RIMS1: variants seen among roughly 807,000 people sequenced by gnomAD.
The protein encoded by RIMS1 is regulating synaptic membrane exocytosis protein 1.
A neutral mutation model predicts 214.1 loss-of-function variants in RIMS1; 83 were observed. The ratio of observed to expected loss-of-function variants is 0.39; its 90% CI spans 0.32 to 0.47. The LOEUF is 0.47. Among genes scored for constraint, RIMS1 ranks in the 20% least tolerant of loss-of-function variants. The pLI, the probability that RIMS1 is intolerant of heterozygous loss-of-function variation, is 0.99. For synonymous variants in RIMS1, 793 were observed against 786.8 expected (o/e 1.01, Z -0.13); for missense variants, 2,050 against 2,161.8 (o/e 0.95, Z 1.03).
intron 2 of RIMS1, among the ~76,000 whole-genome samples, chr6:71,994,814 T>C (rs1187212260): frequency 6.6e-6 from 1 of 152,200 alleles, no homozygotes; most frequent in Non-Finnish European, 1.5e-5. Context: ...GTTTGTTGCC[T>C]TGCATGCTTC....
In RIMS1 at chr6:72,182,921, A is replaced by T. The variant is rs772371424; in HGVS notation, c.1450A>T (p.Met484Leu). The change falls in exon 6 of 34, where the codon ATG becomes TTG. Residue 484 changes from methionine to leucine, a missense_variant. Physicochemically the swap from Met to Leu is conservative, Grantham distance 15. Transcript: ENST00000521978. ...SRLDPSSAVL[M>L]RKAKREKVET... ...CCTGGACCCCAGCTCGGCGGTCCTC[A>T]TGCGGAAGGCCAAGCGCGAGAAGGT... 6.9e-6 allele frequency: 11 copies of T among 1,582,918 alleles called. No homozygotes were observed. The highest frequency in any genetic ancestry group is 9.4e-6 in the Non-Finnish European group (11 of 1,165,922).
intron 1 of RIMS1, among the ~76,000 whole-genome samples, chr6:71,954,864 ACACACTC>A (rs1424944309): frequency 7.3e-6 from 1 of 137,172 alleles, no homozygotes; most frequent in Non-Finnish European, 1.5e-5. Flanking sequence ...ACACACACAC[ACACACTC>A]CACACACACA....
intron 3 of RIMS1, among the ~76,000 whole-genome samples, chr6:72,098,071 A>G (rs1205860916): frequency 1.3e-5 from 2 of 152,188 alleles, no homozygotes; most frequent in African/African-American, 4.8e-5. Flanking sequence ...AATTTGTCAT[A>G]TTATCTAATC....
At chr6:72,224,728 T>C (rs1160265245) in intron 6 of RIMS1, among the ~76,000 whole-genome samples, 1 of 152,228 alleles carries the variant, frequency 6.6e-6, no homozygotes, top group East Asian at 1.9e-4. Flanking sequence ...TTTGTTGATA[T>C]TGCTTCTTTA....
chr6:72,346,064 T>C (rs2097256428), intron 29 of RIMS1, among the ~76,000 whole-genome samples: 1 of 151,790 alleles, frequency 6.6e-6, no homozygotes, highest in Non-Finnish European at 1.5e-5. Flanking sequence ...TTAAAGGTCC[T>C]TTTTGACCCT....
In RIMS1 at chr6:71,893,721, A is replaced by G. The variant is rs539116403; in HGVS notation, c.164+6534A>G. Among the ~76,000 whole-genome samples the G allele has an allele frequency of 2.0e-5, 3 of 152,216 alleles. No homozygotes were observed. The South Asian group carries it at 6.2e-4, about 32-fold the overall frequency. On this transcript the variant is annotated intron_variant, in intron 1 of 33. Transcript: ENST00000521978. ...ATCGAGTTTATATACACTTATTTTG[A>G]CTAGATTACTTTTCTGTGGACAGCA...
At position 72,390,658 on chromosome 6, in the gene RIMS1, C is replaced by T; in HGVS notation, c.4427C>T (p.Ala1476Val). ...AGAAGCACAGAAACAGGCATGGCAG[C>T]TGAAATGAGAAAGATGGTAAGGCAG... ...IQRSTETGMA[A>V]EMRKMVRQPS... Residue 1476 changes from alanine (A) to valine (V), a missense_variant, in exon 30 of 34, where the codon GCT (alanine) becomes GTT (valine). This residue lies in a region of RIMS1 where 121 missense variants were observed against 187.3 expected (regional missense o/e 0.65). Transcript: ENST00000521978. 1 of 1,613,836 alleles carries T rather than the reference C, an allele frequency of 6.2e-7. No individual in the cohort carries two copies. Among genetic ancestry groups the T allele is most frequent in the South Asian group, 1.1e-5 (1 of 91,060 alleles).
At position 72,400,736 on chromosome 6, in the gene RIMS1, C is replaced by T; in HGVS notation, c.*22C>T. On this transcript the variant is annotated 3_prime_UTR_variant, in exon 34 of 34. Coordinates refer to ENST00000521978, the MANE Select transcript of RIMS1 (RefSeq NM_014989.7). ...ATAGTGAACTCATACCAGAGTCATT[C>T]CAATAAAACTCTACTTTTCAGGATA... is the stretch of plus-strand genomic sequence containing the variant. 1 of 1,518,606 alleles carries T rather than the reference C, an allele frequency of 6.6e-7. No individual in the cohort carries two copies. Among genetic ancestry groups the T allele is most frequent in the South Asian group, 1.1e-5 (1 of 87,126 alleles). The allele number at this position is 1,518,606 out of a possible 1,614,324, so 94.1% of individuals were successfully genotyped here. A position where few individuals can be genotyped will look rare whatever the true frequency, so the allele number is the denominator to read the frequency against.
intron 2 of RIMS1, among the ~76,000 whole-genome samples, chr6:71,972,449 G>C (rs114181073): frequency 2.0e-5 from 3 of 152,152 alleles, no homozygotes; most frequent in South Asian, 4.1e-4. Context: ...CAGGGTGATA[G>C]TACTCATATC....
intron 4 of RIMS1, among the ~76,000 whole-genome samples, chr6:72,135,282 T>A (rs963122080): frequency 2.6e-5 from 4 of 151,194 alleles, no homozygotes; most frequent in African/African-American, 9.7e-5. Flanking sequence ...AGCTGGAGAG[T>A]TTATTATGTT....
chr6:72,318,292 C>A (rs568064928), intron 28 of RIMS1, among the ~76,000 whole-genome samples: 5 of 151,934 alleles, frequency 3.3e-5, no homozygotes, highest in Non-Finnish European at 7.4e-5. Flanking sequence ...CTTTCCTGAT[C>A]GGTTTTTAAT....
intron 4 of RIMS1, among the ~76,000 whole-genome samples, chr6:72,129,676 A>T (rs192993688): frequency 2.0e-5 from 3 of 152,094 alleles, no homozygotes; most frequent in Admixed American, 2.0e-4. Context: ...TTTAATGCAG[A>T]TGGGACCCTA....
At chr6:72,158,137 A>G (rs182628650) in intron 4 of RIMS1, among the ~76,000 whole-genome samples, 3 of 140,776 alleles carry the variant, frequency 2.1e-5, no homozygotes, top group African/African-American at 7.4e-5. Context: ...ATTTCCATTT[A>G]GCTTCATTTT....
chr6:72,111,558 G>T (rs2036089836), intron 4 of RIMS1, among the ~76,000 whole-genome samples: 6 of 152,098 alleles, frequency 3.9e-5, no homozygotes, highest in Admixed American at 3.9e-4. Flanking sequence ...TGATTCCTCA[G>T]TAAAGTTCCA....
At chr6:72,259,554 CAAT>C (rs771023108) in intron 18 of RIMS1, among the ~76,000 whole-genome samples, 1 of 152,014 alleles carries the variant, frequency 6.6e-6, no homozygotes, top group Non-Finnish European at 1.5e-5. Flanking sequence ...ATGAGAACTT[CAAT>C]AATAATGTTT....
intron 6 of RIMS1, among the ~76,000 whole-genome samples, chr6:72,222,097 A>T (rs1455375272): frequency 1.3e-5 from 2 of 152,044 alleles, no homozygotes; most frequent in East Asian, 3.8e-4. Flanking sequence ...TGACTTTTTA[A>T]CATTACTGAA....
intron 22 of RIMS1, among the ~76,000 whole-genome samples, chr6:72,269,852 C>G (rs921626425): frequency 2.0e-5 from 3 of 152,024 alleles, no homozygotes; most frequent in Non-Finnish European, 2.9e-5. Context: ...CCTTTGTTGT[C>G]TGATTAAAAA....
chr6:72,317,016 T>A, intron 28 of RIMS1: 1 of 490,790 alleles, frequency 2.0e-6, no homozygotes, highest in South Asian at 1.8e-5. Context: ...CCCCCTCCAT[T>A]CTTATGGGGC....
chr6:72,263,201 T>C, intron 19 of RIMS1: 1 of 985,082 alleles, frequency 1.0e-6, no homozygotes, highest in South Asian at 4.7e-5. Context: ...CACAGCATAT[T>C]AAAGTCATGT....
Sources: gnomAD v4.1 joint callset for allele counts (sites outside exome capture counted in the v4.1 genomes callset) on GRCh38, gnomAD v4.1.1 for gene constraint, gnomAD v4.1.1 regional missense constraint, MANE v1.5 for transcripts, NCBI Gene and HGNC (gene_info 2026-07-23, HGNC 2026-07-21) for gene names.